Variants in SYBU observed in about 807,000 individuals in gnomAD.
The protein encoded by SYBU is GOLSYN A protein.
SYBU carries 21 observed loss-of-function variants against 35.9 expected under a neutral mutation model. That is an observed-to-expected ratio of 0.58 (90% CI 0.41 to 0.84). The LOEUF (loss-of-function observed/expected upper bound fraction) is 0.84. Ranked by LOEUF, SYBU falls within the 40% of genes least tolerant of loss-of-function variation. The probability of loss-of-function intolerance (pLI) is 0.00; values close to 1 mark genes in which losing one functional copy is unlikely to be tolerated. For missense variants in SYBU, 768 were observed against 848.2 expected (o/e 0.91, Z 1.17); for synonymous variants, 319 against 324.3 (o/e 0.98, Z 0.18).
At chr8:109,685,050 G>T (rs1817490160), upstream of SYBU, among the ~76,000 whole-genome samples, 1 of 152,154 alleles carries the variant, frequency 6.6e-6, no homozygotes, top group Admixed American at 6.5e-5. Flanking sequence ...GTTTGGCATA[G>T]TAATAGTTAA....
intron 3 of SYBU, chr8:109,607,921 A>T: frequency 6.6e-7 from 1 of 1,525,740 alleles, no homozygotes; most frequent in South Asian, 1.2e-5. Context: ...TTAGAAGGTA[A>T]GCTCCATAGA....
Position 109,691,462 on chromosome 8 carries a change from A to T in SYBU, c.-187T>A. 1 of 575,464 alleles carries T rather than the reference A, an allele frequency of 1.7e-6. No homozygotes were observed. The highest frequency in any genetic ancestry group is 2.1e-5 in the South Asian group (1 of 48,384). The allele number at this position is 575,464 out of a possible 1,614,324, so 35.6% of individuals were successfully genotyped here. ...CCCGCGTCGCTGCTGGTTTGCGCTC[A>T]GGCCCGGGGAGCCGGGCCCGGCCCG... On this transcript the variant is annotated 5_prime_UTR_variant, in exon 1 of 8. Transcript: ENST00000422135. The surrounding 1 kb of genome is among the most constrained non-coding windows in gnomAD (Gnocchi z 4.7).
intron 6 of SYBU, 54 bp from the exon 7 acceptor site, chr8:109,576,067 A>C (rs1822274405): frequency 2.9e-6 from 4 of 1,376,294 alleles, no homozygotes; most frequent in East Asian, 2.4e-5. Context: ...AAAAAAAAAA[A>C]AAACTTTCAA....
chr8:109,668,089 G>T (rs909199778), intron 1 of SYBU, among the ~76,000 whole-genome samples: 3 of 142,406 alleles, frequency 2.1e-5, no homozygotes, highest in African/African-American at 7.7e-5. Context: ...GCAAACACAA[G>T]TCACAAGTAT....
upstream of SYBU, among the ~76,000 whole-genome samples, chr8:109,649,215 G>A (rs1414256996): frequency 1.3e-5 from 2 of 151,750 alleles, no homozygotes; most frequent in Admixed American, 1.3e-4. Context: ...TGTTGGCCAG[G>A]ATGGTCTCCA....
chr8:109,580,820 C>T (rs1822945721), intron 4 of SYBU: 1 of 152,594 alleles, frequency 6.6e-6, no homozygotes, highest in Non-Finnish European at 1.5e-5. Context: ...CAACCCCATC[C>T]TCCACCACTC....
At chr8:109,632,754 C>T (rs1168100072) in intron 2 of SYBU, among the ~76,000 whole-genome samples, 1 of 152,114 alleles carries the variant, frequency 6.6e-6, no homozygotes, top group Non-Finnish European at 1.5e-5. Context: ...GTCTCATAGA[C>T]AAAATGTCCA....
At chr8:109,672,281 C>T (rs963289323) in intron 1 of SYBU, among the ~76,000 whole-genome samples, 1 of 152,148 alleles carries the variant, frequency 6.6e-6, no homozygotes, top group Non-Finnish European at 1.5e-5. Flanking sequence ...CAGCTCCCAG[C>T]GAGATCAACA....
chr8:109,656,430 G>A (rs2130730364), intron 1 of SYBU, among the ~76,000 whole-genome samples: 1 of 152,234 alleles, frequency 6.6e-6, no homozygotes, highest in South Asian at 2.1e-4. Flanking sequence ...TGTTGAGTAT[G>A]GGGAATAAAT....
intron 3 of SYBU, among the ~76,000 whole-genome samples, chr8:109,588,564 G>A (rs1184457997): frequency 2.0e-5 from 3 of 152,156 alleles, no homozygotes; most frequent in African/African-American, 4.8e-5. Context: ...TTTAAAGAAC[G>A]TAACCTGGTT....
chr8:109,691,428 G>C lies in SYBU; in HGVS notation c.-153C>G, dbSNP rs951801032. Reference sequence around the variant, plus strand: ...CCCCGGCTGGGCCGGGTGCCGGTGCGGACGGGACCCCGCGTCGCTGCTGGT... The same window carrying C: ...CCCCGGCTGGGCCGGGTGCCGGTGCCGACGGGACCCCGCGTCGCTGCTGGT... On this transcript the variant is annotated 5_prime_UTR_variant, in exon 1 of 8. Coordinates refer to the SYBU transcript ENST00000422135. This position sits in a 1 kb window ranked among gnomAD's most constrained non-coding sequence, Gnocchi z 4.7. The C allele has an allele frequency of 7.7e-5, 52 of 675,072 alleles. No homozygotes were observed. The highest frequency in any genetic ancestry group is 3.7e-4 in the Admixed American group (17 of 46,278). 41.8% of individuals were successfully genotyped at this position (675,072 alleles called of 1,614,324 possible).
chr8:109,581,468 A>G (rs1403270554), intron 4 of SYBU, among the ~76,000 whole-genome samples: 1 of 152,246 alleles, frequency 6.6e-6, no homozygotes, highest in African/African-American at 2.4e-5. Context: ...TTATTAGAGG[A>G]TAAACTTGTT....
chr8:109,585,980 G>T, intron 4 of SYBU, 80 bp downstream of exon 4: 3 of 868,334 alleles, frequency 3.5e-6, no homozygotes, highest in East Asian at 2.6e-5. Flanking sequence ...ACAGTAATCC[G>T]GGTGGTTCTA....
intron 2 of SYBU, among the ~76,000 whole-genome samples, chr8:109,624,412 A>G (rs1370304114): frequency 6.6e-6 from 1 of 152,242 alleles, no homozygotes; most frequent in Non-Finnish European, 1.5e-5. Flanking sequence ...TTGTCCTTAC[A>G]AAAGCATTCT....
At chr8:109,621,671 A>C (rs1220126835) in intron 2 of SYBU, among the ~76,000 whole-genome samples, 1 of 152,240 alleles carries the variant, frequency 6.6e-6, no homozygotes, top group East Asian at 1.9e-4. Context: ...AAATAAGCCA[A>C]AAGGATCTGG....
chr8:109,615,266 G>C (rs1462906726), intron 3 of SYBU, among the ~76,000 whole-genome samples: 2 of 152,136 alleles, frequency 1.3e-5, no homozygotes, highest in African/African-American at 4.8e-5. Context: ...AAAAAGTAGA[G>C]CATGCATCAA....
intron 3 of SYBU, chr8:109,607,893 G>A (rs1274429204): frequency 6.7e-6 from 9 of 1,347,880 alleles, no homozygotes; most frequent in Non-Finnish European, 9.2e-6. Context: ...TTTACTTACT[G>A]TGACTAATAC....
At chr8:109,603,290 T>C in intron 3 of SYBU, 1 of 524,760 alleles carries the variant, frequency 1.9e-6, no homozygotes, top group Non-Finnish European at 2.4e-6. Flanking sequence ...CCACTCATCC[T>C]TCCAAAAACA....
rs755222414 is a variant in SYBU, at chr8:109,577,872, C to A, written c.880G>T (p.Glu294Ter). The part of the protein sequence containing the change: ...KLKESERRLH[E>*]RESEIVELKS... ...GTTCAAGGAAGGCAGATTCACCTTT[C>A]ATGGAGTCGGCGCTCAGATTCCTTC... Residue 294 changes from glutamate (E) to a stop codon, truncating the protein, a stop_gained, in exon 6 of 7, where the codon GAA (glutamate) becomes TAA (stop). Transcript: ENST00000276646. LOFTEE classifies it low-confidence loss of function (END_TRUNC). 6.2e-7 allele frequency: 1 copy of A among 1,611,944 alleles called. No individual in the cohort carries two copies. Among genetic ancestry groups the A allele is most frequent in the South Asian group, 1.1e-5 (1 of 90,460 alleles).
Sources: gnomAD v4.1 joint callset for allele counts (sites outside exome capture counted in the v4.1 genomes callset) on GRCh38, gnomAD v4.1.1 for gene constraint, Gnocchi (gnomAD v3.1) non-coding constraint, MANE v1.5 for transcripts, NCBI Gene and HGNC (gene_info 2026-07-23, HGNC 2026-07-21) for gene names.